The following BMPR1B variants were observed in gnomAD, a reference collection of about 807,000 sequenced individuals.
BMPR1B encodes bone morphogenetic protein receptor type 1B.
Under a neutral mutation model 59.1 loss-of-function variants are expected in BMPR1B, and 12 were observed. The observed-to-expected ratio is 0.20, with a 90% CI of 0.13 to 0.33. BMPR1B has a LOEUF of 0.33. Ranked by LOEUF, BMPR1B falls within the 10% of genes least tolerant of loss-of-function variation. BMPR1B has a pLI of 1.00. For missense variants in BMPR1B, 550 were observed against 610.9 expected (o/e 0.90, Z 1.05); for synonymous variants, 237 against 207.3 (o/e 1.14, Z -1.23).
chr4:95,085,129 C>T (rs939801119), intron 3 of BMPR1B, among the ~76,000 whole-genome samples: 1 of 152,070 alleles, frequency 6.6e-6, no homozygotes, highest in African/African-American at 2.4e-5. Context: ...GTTGTAAAAC[C>T]CTTCTTTAGC....
intron 1 of BMPR1B, among the ~76,000 whole-genome samples, chr4:94,819,902 C>A (rs1724143992): frequency 6.6e-6 from 1 of 152,142 alleles, no homozygotes; most frequent in Non-Finnish European, 1.5e-5. Context: ...ACATTTAATT[C>A]AGTTGTAGTT....
chr4:94,940,463 G>T (rs1324969903), intron 2 of BMPR1B, among the ~76,000 whole-genome samples: 1 of 152,074 alleles, frequency 6.6e-6, no homozygotes, highest in African/African-American at 2.4e-5. Context: ...ACAGTCCTTG[G>T]GGATTAAAAT....
At chr4:94,975,471 T>C (rs1217910598) in intron 2 of BMPR1B, among the ~76,000 whole-genome samples, 2 of 144,866 alleles carry the variant, frequency 1.4e-5, no homozygotes, top group South Asian at 2.4e-4. Flanking sequence ...CAGGTGATCC[T>C]CCCACCTCAG....
chr4:94,796,662 G>A (rs752938752), intron 1 of BMPR1B, among the ~76,000 whole-genome samples: 2 of 152,156 alleles, frequency 1.3e-5, no homozygotes, highest in Middle Eastern at 3.4e-3. Flanking sequence ...CCCATGAGGT[G>A]TTTTGTGTGT....
intron 3 of BMPR1B, among the ~76,000 whole-genome samples, chr4:95,012,923 C>G (rs921162409): frequency 1.3e-5 from 2 of 152,038 alleles, no homozygotes; most frequent in Non-Finnish European, 2.9e-5. Context: ...CTCATAGAAA[C>G]AAATAGGTGC....
intron 3 of BMPR1B, among the ~76,000 whole-genome samples, chr4:95,056,971 A>G (rs1202467283): frequency 6.6e-6 from 1 of 152,214 alleles, no homozygotes; most frequent in Non-Finnish European, 1.5e-5. Flanking sequence ...CCCCTTTGAT[A>G]TAATCCCTCA....
At chr4:94,877,430 A>T (rs1726774218) in intron 2 of BMPR1B, among the ~76,000 whole-genome samples, 1 of 152,244 alleles carries the variant, frequency 6.6e-6, no homozygotes, top group South Asian at 2.1e-4. Flanking sequence ...AGAACCAATC[A>T]GATGGATTGG....
At chr4:94,821,835 T>C (rs1360097093) in intron 1 of BMPR1B, among the ~76,000 whole-genome samples, 1 of 152,206 alleles carries the variant, frequency 6.6e-6, no homozygotes. Flanking sequence ...AGTAAATTCA[T>C]GTCTTGTGTG....
intron 2 of BMPR1B, among the ~76,000 whole-genome samples, chr4:94,936,228 A>G (rs1560555713): frequency 6.6e-6 from 1 of 152,200 alleles, no homozygotes; most frequent in Non-Finnish European, 1.5e-5. Flanking sequence ...TGTTAAAGGA[A>G]AAATCATAAA....
chr4:95,096,975 T>C (rs13117435), intron 3 of BMPR1B, among the ~76,000 whole-genome samples: 41,119 of 143,214 alleles, frequency 0.29, 6,480 homozygotes, highest in South Asian at 0.41. Flanking sequence ...TTATATATAG[T>C]TATATAGTTT....
chr4:94,953,302 T>C (rs1415461477), intron 2 of BMPR1B, among the ~76,000 whole-genome samples: 2 of 152,238 alleles, frequency 1.3e-5, no homozygotes, highest in African/African-American at 4.8e-5. Context: ...ATCCTGTCAT[T>C]ATGAGGCTAA....
At chr4:94,906,371 C>T (rs1436157676) in intron 2 of BMPR1B, among the ~76,000 whole-genome samples, 1 of 152,034 alleles carries the variant, frequency 6.6e-6, no homozygotes, top group Non-Finnish European at 1.5e-5. Context: ...AATACTGATG[C>T]ATTTCAGACC....
chr4:95,089,272 G>T lies in BMPR1B; in HGVS notation c.-17-15136G>T, dbSNP rs188684835. ...TATCTGAAGATAGGGTTTGTGAAGG[G>T]TAATTATTTCTCACATAGCATCCCA... On this transcript the variant is annotated intron_variant, in intron 3 of 12. Coordinates refer to ENST00000515059, the MANE Select transcript of BMPR1B (RefSeq NM_001203.3). Among the ~76,000 whole-genome samples the T allele has an allele frequency of 6.2e-3, 937 of 152,144 alleles. 6 individuals are homozygous for T. Among genetic ancestry groups the T allele is most frequent in the Non-Finnish European group, 8.9e-3 (605 of 67,968 alleles).
intron 3 of BMPR1B, among the ~76,000 whole-genome samples, chr4:95,093,232 C>G (rs917648778): frequency 6.6e-6 from 1 of 151,934 alleles, no homozygotes; most frequent in Non-Finnish European, 1.5e-5. Flanking sequence ...ATTAAAAATA[C>G]TTATAAACAA....
intron 3 of BMPR1B, chr4:95,051,736 A>G: frequency 6.5e-7 from 1 of 1,535,524 alleles, no homozygotes. Context: ...GCAGCTTCAC[A>G]TTTTCTTGCT....
chr4:95,088,906 A>C (rs1553935624), intron 3 of BMPR1B, among the ~76,000 whole-genome samples: 1 of 152,134 alleles, frequency 6.6e-6, no homozygotes, highest in Non-Finnish European at 1.5e-5. Flanking sequence ...CATAGAAGAT[A>C]GAGGATTCTG....
intron 2 of BMPR1B, among the ~76,000 whole-genome samples, chr4:94,882,967 CGTGTGTGTGTATGT>C (rs886399689): frequency 7.3e-6 from 1 of 136,832 alleles, no homozygotes; most frequent in East Asian, 2.1e-4. Flanking sequence ...TGTGTGTGTG[CGTGTGTGTGTATGT>C]GTGTGTGTGT....
chr4:95,119,773 A>G lies in BMPR1B; in HGVS notation c.349+3986A>G, dbSNP rs547358714. Among the ~76,000 whole-genome samples the G allele has an allele frequency of 3.9e-5, 6 of 152,328 alleles. No individual in the cohort carries two copies. The East Asian group carries it at 5.8e-4, about 15-fold the overall frequency. On this transcript the variant is annotated intron_variant, in intron 6 of 12. Transcript: ENST00000515059. Reference sequence around the variant, plus strand: ...TACAAATCATAAATAGCTGTTAAACATATATATTTTAGACTGATGAGTAAA... The same window carrying G: ...TACAAATCATAAATAGCTGTTAAACGTATATATTTTAGACTGATGAGTAAA...
At chr4:95,116,069 GC>G (rs1560665594) in intron 6 of BMPR1B, among the ~76,000 whole-genome samples, 2 of 152,116 alleles carry the variant, frequency 1.3e-5, no homozygotes, top group African/African-American at 4.8e-5. Flanking sequence ...GGAGGCAGGA[GC>G]TAGCACTCTG....
Sources: allele counts gnomAD v4.1 joint callset (sites outside exome capture counted in the v4.1 genomes callset), GRCh38; gene constraint gnomAD v4.1.1; transcripts MANE v1.5; gene names NCBI Gene and HGNC (gene_info 2026-07-23, HGNC 2026-07-21).